MYT1L: variants seen among roughly 807,000 people sequenced by gnomAD.
The protein encoded by MYT1L is myelin transcription factor 1 like, also known as myelin transcription factor 1-like protein.
A neutral mutation model predicts 126.7 loss-of-function variants in MYT1L; 12 were observed. The ratio of observed to expected loss-of-function variants is 0.09; its 90% CI spans 0.06 to 0.15. The LOEUF is 0.15. MYT1L is among the 10% of genes least tolerant of loss of function. MYT1L has a pLI of 1.00. For missense variants in MYT1L, 979 were observed against 1,585.2 expected, an observed-to-expected ratio of 0.62 and a Z score of 6.49; for synonymous variants, 541 against 604.2, an observed-to-expected ratio of 0.90 and a Z score of 1.53.
At chr2:1,986,648 T>C (rs892635928) in intron 5 of MYT1L, among the ~76,000 whole-genome samples, 3 of 152,152 alleles carry the variant, frequency 2.0e-5, no homozygotes, top group Admixed American at 2.0e-4. Context: ...GGTTGCCCAA[T>C]TTACGTCATG....
intron 5 of MYT1L, among the ~76,000 whole-genome samples, chr2:1,987,863 T>C (rs2061165473): frequency 6.6e-6 from 1 of 152,206 alleles, no homozygotes; most frequent in Non-Finnish European, 1.5e-5. Flanking sequence ...AGGACGTTCA[T>C]GGGTCCTGGG....
chr2:2,066,883 T>G (rs961934413), intron 3 of MYT1L, among the ~76,000 whole-genome samples: 1 of 152,158 alleles, frequency 6.6e-6, no homozygotes, highest in Admixed American at 6.5e-5. Context: ...ACAAAACCAG[T>G]AACACATTTA....
intron 11 of MYT1L, among the ~76,000 whole-genome samples, chr2:1,913,780 T>C (rs1013505588): frequency 6.6e-6 from 1 of 152,134 alleles, no homozygotes; most frequent in African/African-American, 2.4e-5. Context: ...TGTGTGGGAA[T>C]GCACACTCCC....
rs1322587663 is a variant in MYT1L at position 1,792,477 on chromosome 2, A to G, written c.3277-13T>C. 1.2e-6 allele frequency: 2 copies of G among 1,610,984 alleles called. No individual in the cohort carries two copies. Among genetic ancestry groups the G allele is most frequent in the Non-Finnish European group, 1.7e-6 (2 of 1,177,784 alleles). ...CCATCGTGGTAATCTGAAACGCACA[A>G]GTGTGCGTGACATGTAACACCAGGA... On this transcript the variant is annotated splice_polypyrimidine_tract_variant and intron_variant, in intron 23 of 24. Transcript: ENST00000647738.
rs531337542 is a variant in MYT1L at position 2,277,758 on chromosome 2, A to T, written c.-421+6646T>A. ...CATATAACAATTGTAATTATAGAAA[A>T]AAATGGGGTTGTATACCCTTTGCAA... On this transcript the variant is annotated intron_variant, in intron 2 of 24. Coordinates refer to ENST00000647738, the MANE Select transcript of MYT1L (RefSeq NM_001303052.2). 7.2e-5 allele frequency among the ~76,000 whole-genome samples: 11 copies of T among 152,356 alleles called. No individual in the cohort carries two copies. The South Asian group carries it at 2.3e-3, about 32-fold the overall frequency.
rs768976651 is a variant in MYT1L at position 1,917,173 on chromosome 2, C to A, written c.1618+32G>T. 5.6e-6 allele frequency: 9 copies of A among 1,600,412 alleles called. No individual in the cohort carries two copies. The highest frequency in any genetic ancestry group is 7.7e-6 in the Non-Finnish European group (9 of 1,170,660). Reference sequence around the variant, plus strand: ...AGAGACAGAGTCATGGGTGTTTGCACCCCCAAGGGTAGCGGTGAGACGTGG... The same window carrying A: ...AGAGACAGAGTCATGGGTGTTTGCAACCCCAAGGGTAGCGGTGAGACGTGG... On this transcript the variant is annotated intron_variant, in intron 11 of 24. Transcript: ENST00000647738. This position sits in a 1 kb window ranked among gnomAD's most constrained non-coding sequence, Gnocchi z 5.9.
intron 3 of MYT1L, among the ~76,000 whole-genome samples, chr2:2,156,568 A>G (rs72767402): frequency 0.075 from 11,382 of 152,334 alleles, 531 homozygotes; most frequent in African/African-American, 0.12. Flanking sequence ...GTAGATTAGA[A>G]GTTTATTGTG....
At chr2:2,125,240 A>T (rs1176026108) in intron 3 of MYT1L, among the ~76,000 whole-genome samples, 1 of 152,086 alleles carries the variant, frequency 6.6e-6, no homozygotes, top group African/African-American at 2.4e-5. Context: ...GGCCTTAGTG[A>T]GTGGGGGTCT....
At chr2:2,076,677 C>A (rs996928403) in intron 3 of MYT1L, among the ~76,000 whole-genome samples, 2 of 152,016 alleles carry the variant, frequency 1.3e-5, no homozygotes, top group Admixed American at 6.6e-5. Context: ...CTAGTAGCAA[C>A]AAAAATCTAG....
chr2:1,993,705 A>G (rs1385039211), intron 5 of MYT1L, among the ~76,000 whole-genome samples: 1 of 152,256 alleles, frequency 6.6e-6, no homozygotes. Flanking sequence ...TTCTAAAAAG[A>G]TATCGTCACT....
chr2:2,261,349 C>A (rs1009222164), intron 2 of MYT1L, among the ~76,000 whole-genome samples: 4 of 152,038 alleles, frequency 2.6e-5, no homozygotes, highest in East Asian at 1.9e-4. Context: ...GTCTTTTAGA[C>A]AAATCGGAAA....
In MYT1L at chr2:2,266,762, T is replaced by C. The variant is rs959346653; in HGVS notation, c.-421+17642A>G. ...GGCAGTTTCCCCCATACTGTTCTTG[T>C]GGTAGAATAAGTCTCATGAGATCTC... is the stretch of plus-strand genomic sequence containing the variant. On this transcript the variant is annotated intron_variant, in intron 2 of 24. Transcript: ENST00000647738. Among the ~76,000 whole-genome samples, 6 of 152,114 alleles carry C rather than the reference T, an allele frequency of 3.9e-5. No homozygotes were observed. The East Asian group carries it at 1.2e-3, about 29-fold the overall frequency.
chr2:1,980,215 T>C lies in MYT1L; in HGVS notation c.1-438A>G, dbSNP rs1214810716. 1.2e-4 allele frequency among the ~76,000 whole-genome samples: 18 copies of C among 147,798 alleles called. No individual in the cohort carries two copies. In the Admixed American group the frequency reaches 1.2e-3, roughly 10 times the overall value. Reference sequence around the variant, plus strand: ...ATGTATATATAAAAACAAATATTTATATATATAACATATATATTTTGTATA... The same window carrying C: ...ATGTATATATAAAAACAAATATTTACATATATAACATATATATTTTGTATA... On this transcript the variant is annotated intron_variant, in intron 5 of 24. Transcript: ENST00000647738.
chr2:2,063,460 C>T (rs1241658508), intron 3 of MYT1L, among the ~76,000 whole-genome samples: 2 of 152,084 alleles, frequency 1.3e-5, no homozygotes, highest in Non-Finnish European at 2.9e-5. Context: ...GTGTGCTTTG[C>T]CTCCTGGGCT....
chr2:1,920,913 C>T (rs907958554), intron 10 of MYT1L, among the ~76,000 whole-genome samples: 7 of 152,218 alleles, frequency 4.6e-5, no homozygotes, highest in Non-Finnish European at 8.8e-5. Context: ...CTTCACCTTG[C>T]GACTGAAACG....
intron 3 of MYT1L, among the ~76,000 whole-genome samples, chr2:2,159,722 A>C (rs2087509398): frequency 6.6e-6 from 1 of 152,078 alleles, no homozygotes. Context: ...TGGCCATTAA[A>C]GCCCTCGCAG....
chr2:2,238,354 T>C (rs1055208295), intron 2 of MYT1L, among the ~76,000 whole-genome samples: 1 of 152,168 alleles, frequency 6.6e-6, no homozygotes, highest in African/African-American at 2.4e-5. Flanking sequence ...ATGTTCCCAC[T>C]GGATTCCCAG....
chr2:2,323,877 T>C (rs907368540), intron 1 of MYT1L: 2 of 152,210 alleles, frequency 1.3e-5, no homozygotes, highest in Non-Finnish European at 2.9e-5. Flanking sequence ...ACTAATTATG[T>C]CTGGGCTTTA....
At chr2:2,310,816 C>T (rs58301026) in intron 1 of MYT1L, among the ~76,000 whole-genome samples, 45,403 of 151,976 alleles carry the variant, frequency 0.3, 7,120 homozygotes, top group South Asian at 0.45. Context: ...TTGTGACTCA[C>T]TTTCTTATAA....
Sources: gnomAD v4.1 joint callset for allele counts (sites outside exome capture counted in the v4.1 genomes callset) on GRCh38, gnomAD v4.1.1 for gene constraint, Gnocchi (gnomAD v3.1) non-coding constraint, MANE v1.5 for transcripts, NCBI Gene and HGNC (gene_info 2026-07-23, HGNC 2026-07-21) for gene names.